The following ZNF69 variants were observed in gnomAD, a reference collection of about 807,000 sequenced individuals.
ZNF69 encodes the protein zinc finger protein 69.
ZNF69 carries 47 observed loss-of-function variants against 50.9 expected under a neutral mutation model. The ratio of observed to expected loss-of-function variants is 0.92; its 90% confidence interval spans 0.73 to 1.18. The LOEUF (loss-of-function observed/expected upper bound fraction) is 1.18. Ranked by LOEUF, ZNF69 falls within the 50% of genes most tolerant of loss-of-function variation. ZNF69 has a pLI of 0.00. For missense variants in ZNF69, 717 were observed against 675.1 expected (o/e 1.06, Z -0.69); for synonymous variants, 216 against 223.1 (o/e 0.97, Z 0.29).
chr19:11,975,376 G>T, the ZNF69 span, among the ~76,000 whole-genome samples: 1 of 145,530 alleles, frequency 6.9e-6, no homozygotes, highest in African/African-American at 2.6e-5. Flanking sequence ...ACCCGGCCAA[G>T]ATGTTATTGA....
chr19:11,979,336 A>G, the ZNF69 span: 10 of 1,608,066 alleles, frequency 6.2e-6, no homozygotes, highest in Non-Finnish European at 8.5e-6. Context: ...GCATGGTAGG[A>G]CTCACTGGAG....
At chr19:11,888,043 G>C in intron 1 of ZNF69, 57 bp downstream of exon 1, 1 of 1,559,954 alleles carries the variant, frequency 6.4e-7, no homozygotes, top group Non-Finnish European at 8.8e-7. Context: ...GGACCGACCG[G>C]AACCGACTGT....
chr19:11,903,144 A>C (rs1972281831), intron 1 of ZNF69, among the ~76,000 whole-genome samples: 1 of 152,150 alleles, frequency 6.6e-6, no homozygotes, highest in Non-Finnish European at 1.5e-5. Context: ...CTTAAAAAAA[A>C]CAACTGCTGG....
At chr19:11,907,009 G>A (rs10422557), downstream of ZNF69, among the ~76,000 whole-genome samples, 6,905 of 152,240 alleles carry the variant, frequency 0.045, 500 homozygotes, top group African/African-American at 0.15. Flanking sequence ...GAAAACCATG[G>A]CACGAGAACT....
chr19:11,928,817 C>T, the ZNF69 span, among the ~76,000 whole-genome samples: 3 of 146,720 alleles, frequency 2.0e-5, no homozygotes, highest in African/African-American at 8.1e-5. Context: ...GGATGGCTCA[C>T]ACCTGTAACC....
At chr19:11,915,073 G>A (rs1434190113), downstream of ZNF69, among the ~76,000 whole-genome samples, 2 of 152,204 alleles carry the variant, frequency 1.3e-5, no homozygotes, top group Admixed American at 6.5e-5. Context: ...GCATCGTGGT[G>A]TGTGCCTGTA....
downstream of ZNF69, among the ~76,000 whole-genome samples, chr19:11,910,697 T>C (rs1972445241): frequency 6.6e-6 from 1 of 152,168 alleles, no homozygotes; most frequent in Non-Finnish European, 1.5e-5. Context: ...ACTTAAATGT[T>C]AGACCTAAAA....
At chr19:11,968,627 T>TA in the ZNF69 span, among the ~76,000 whole-genome samples, 1 of 152,184 alleles carries the variant, frequency 6.6e-6, no homozygotes, top group Non-Finnish European at 1.5e-5. Flanking sequence ...CTTTTCAATT[T>TA]AAAAAAGTGA....
At chr19:11,924,936 G>A in the ZNF69 span, 1 of 397,264 alleles carries the variant, frequency 2.5e-6, no homozygotes, top group Non-Finnish European at 4.7e-6. Flanking sequence ...AAAGCAGCTC[G>A]CCCTTAGAGA....
intron 1 of ZNF69, among the ~76,000 whole-genome samples, chr19:11,896,509 CTTCCTGGTTTT>C (rs1255225074): frequency 6.6e-6 from 1 of 152,066 alleles, no homozygotes; most frequent in Admixed American, 6.6e-5. Context: ...TAAGGGCCCG[CTTCCTGGTTTT>C]GCAGATGGTC....
chr19:11,943,865 C>T, the ZNF69 span, among the ~76,000 whole-genome samples: 1 of 152,310 alleles, frequency 6.6e-6, no homozygotes, highest in African/African-American at 2.4e-5. Flanking sequence ...CGCACATAGA[C>T]CAGTCAGCTT....
chr19:11,953,315 A>T, the ZNF69 span: 6 of 152,448 alleles, frequency 3.9e-5, no homozygotes, highest in Non-Finnish European at 7.3e-5. Flanking sequence ...GGAGAGCCTG[A>T]CATTGGCCTA....
chr19:11,950,125 G>C, the ZNF69 span: 466 of 1,614,030 alleles, frequency 2.9e-4, 1 homozygote, highest in Non-Finnish European at 3.7e-4. Flanking sequence ...ACACATTGGA[G>C]AGAAACACTA....
chr19:11,951,275 A>T, the ZNF69 span, among the ~76,000 whole-genome samples: 2 of 145,486 alleles, frequency 1.4e-5, no homozygotes, highest in African/African-American at 5.2e-5. Flanking sequence ...GTCGCCCAGG[A>T]TAGAGTGCAG....
At chr19:11,944,166 C>G in the ZNF69 span, among the ~76,000 whole-genome samples, 1 of 151,996 alleles carries the variant, frequency 6.6e-6, no homozygotes, top group Non-Finnish European at 1.5e-5. Context: ...TGAGATTGTT[C>G]GTGTAATTTT....
At chr19:11,975,491 G>A in the ZNF69 span, among the ~76,000 whole-genome samples, 7 of 151,700 alleles carry the variant, frequency 4.6e-5, no homozygotes, top group African/African-American at 1.5e-4. Context: ...TCCGCTTCCC[G>A]GGTTCACGCC....
At chr19:11,939,789 TG>T in the ZNF69 span, among the ~76,000 whole-genome samples, 1 of 152,030 alleles carries the variant, frequency 6.6e-6, no homozygotes, top group South Asian at 2.1e-4. Flanking sequence ...CATTACTTAT[TG>T]GAAAACAAAA....
the ZNF69 span, among the ~76,000 whole-genome samples, chr19:11,930,793 G>A: frequency 6.8e-6 from 1 of 148,036 alleles, no homozygotes; most frequent in African/African-American, 2.6e-5. Context: ...CTGAGGTCAG[G>A]AGTTTGAGAC....
At chr19:11,974,126 T>C in the ZNF69 span, among the ~76,000 whole-genome samples, 2,582 of 54,518 alleles carry the variant, frequency 0.047, 38 homozygotes, top group Admixed American at 0.067. Context: ...TCTTTCTTTC[T>C]TTTCTTTCTT....
Sources: gnomAD v4.1 joint callset for allele counts (sites outside exome capture counted in the v4.1 genomes callset) on GRCh38, gnomAD v4.1.1 for gene constraint, MANE v1.5 for transcripts, NCBI Gene and HGNC (gene_info 2026-07-23, HGNC 2026-07-21) for gene names.